TACR3: variants seen among roughly 807,000 people sequenced by gnomAD.
TACR3 encodes the protein tachykinin receptor 3, also known as neuromedin-K receptor.
TACR3 carries 34 observed loss-of-function variants against 35.0 expected under a neutral mutation model. The ratio of observed to expected loss-of-function variants is 0.97; its 90% CI spans 0.74 to 1.30. The LOEUF (loss-of-function observed/expected upper bound fraction) is 1.30, where lower values mean the gene tolerates loss of function less well. TACR3 is among the 50% of genes most tolerant of loss of function. The pLI is 0.00. For missense variants in TACR3, 558 were observed against 591.7 expected, an observed-to-expected ratio of 0.94 and a Z score of 0.59; for synonymous variants, 233 against 221.1, an observed-to-expected ratio of 1.05 and a Z score of -0.48.
rs554619738 is a variant in TACR3 at position 103,608,689 on chromosome 4, G to C, written c.889-17006C>G. Among the ~76,000 whole-genome samples, 52 of 152,222 alleles carry C rather than the reference G, an allele frequency of 3.4e-4. No individual in the cohort carries two copies. In the South Asian group the frequency reaches 8.3e-3, roughly 24 times the overall value. ...TGAATGCTATTGGAATAAGCCTATAGGTCGCCAAGTACAACCGAAGGCTTA... is the reference window on the plus strand; with the variant it reads ...TGAATGCTATTGGAATAAGCCTATACGTCGCCAAGTACAACCGAAGGCTTA... On this transcript the variant is annotated intron_variant, in intron 3 of 4. Transcript: ENST00000304883.
chr4:103,708,150 G>A (rs566433833), intron 1 of TACR3, among the ~76,000 whole-genome samples: 1 of 152,320 alleles, frequency 6.6e-6, no homozygotes, highest in African/African-American at 2.4e-5. Context: ...TTTGAAGAGA[G>A]TAGTGGTTCT....
At chr4:103,603,441 C>G (rs144114801) in intron 3 of TACR3, among the ~76,000 whole-genome samples, 4 of 152,210 alleles carry the variant, frequency 2.6e-5, no homozygotes, top group Non-Finnish European at 4.4e-5. Flanking sequence ...GAGATGAACC[C>G]GGTACCTCAG....
chr4:103,689,186 TG>T (rs1722338487), intron 1 of TACR3, among the ~76,000 whole-genome samples: 2 of 132,718 alleles, frequency 1.5e-5, no homozygotes, highest in South Asian at 4.7e-4. Flanking sequence ...CACTCATAGG[TG>T]GGAATTGAAC....
At chr4:103,626,418 T>C (rs1724892428) in intron 3 of TACR3, among the ~76,000 whole-genome samples, 1 of 148,000 alleles carries the variant, frequency 6.8e-6, no homozygotes. Flanking sequence ...ATTATTATTG[T>C]TATTTTTTTT....
intron 3 of TACR3, among the ~76,000 whole-genome samples, chr4:103,613,246 T>C (rs1476385013): frequency 3.9e-5 from 6 of 152,230 alleles, no homozygotes; most frequent in Non-Finnish European, 4.4e-5. Flanking sequence ...ATAAGAATTC[T>C]AGTCCCAACC....
rs879603676 is a variant in TACR3 at position 103,719,736 on chromosome 4, C to G, written c.-61G>C. On this transcript the variant is annotated 5_prime_UTR_variant, in exon 1 of 5. Transcript: ENST00000304883. ...CCCACGGGCAGCCCAAGACGAGACT[C>G]CTCTGAAGTTCTTCTCTGCCTCCTG... The G allele has an allele frequency of 2.3e-5, 37 of 1,591,404 alleles. No individual in the cohort carries two copies. Among genetic ancestry groups the G allele is most frequent in the Non-Finnish European group, 1.7e-6 (2 of 1,173,968 alleles).
chr4:103,601,457 T>G (rs1055713109), intron 3 of TACR3, among the ~76,000 whole-genome samples: 1 of 152,140 alleles, frequency 6.6e-6, no homozygotes, highest in Admixed American at 6.6e-5. Context: ...TTGCTCGATA[T>G]TTGATGCAGT....
Position 103,589,873 on chromosome 4 carries a change from C to T in TACR3, c.1207G>A (p.Val403Met), listed in dbSNP as rs553885967. 34 of 1,613,812 alleles carry T rather than the reference C, an allele frequency of 2.1e-5. No individual in the cohort carries two copies. The Middle Eastern group carries it at 6.6e-4, about 31-fold the overall frequency. Residue 403 changes from valine to methionine, a missense_variant, in exon 5 of 5, where the codon GTG (valine) becomes ATG (methionine). Transcript: ENST00000304883. ...HPNRQSSMYT[V>M]TRMESMTVVF... Reference sequence around the variant, plus strand: ...ACTGTCATGGACTCCATTCTGGTCACGGTGTACATACTGCTTTGCCGGTTT... The same window carrying T: ...ACTGTCATGGACTCCATTCTGGTCATGGTGTACATACTGCTTTGCCGGTTT...
chr4:103,643,427 A>G (rs1725398036), intron 3 of TACR3, among the ~76,000 whole-genome samples: 4 of 125,308 alleles, frequency 3.2e-5, no homozygotes, highest in Non-Finnish European at 6.5e-5. Context: ...TTGTCTAAAA[A>G]AAAGAGAGAG....
chr4:103,710,651 C>T (rs1040546674), intron 1 of TACR3, among the ~76,000 whole-genome samples: 1 of 152,028 alleles, frequency 6.6e-6, no homozygotes, highest in African/African-American at 2.4e-5. Context: ...CAGAGCAGAA[C>T]TGAAGGAGAT....
chr4:103,712,188 G>A (rs752804871), intron 1 of TACR3, among the ~76,000 whole-genome samples: 1 of 152,150 alleles, frequency 6.6e-6, no homozygotes, highest in South Asian at 2.1e-4. Flanking sequence ...GCGTTGCCAA[G>A]TCAATCCTTA....
At chr4:103,656,078 T>G in intron 3 of TACR3, 116 bp downstream of exon 3, 1 of 1,320,316 alleles carries the variant, frequency 7.6e-7, no homozygotes, top group Non-Finnish European at 1.1e-6. Context: ...ACAAAGACAT[T>G]AAAAACAGGA....
chr4:103,602,605 CA>C (rs1269013296), intron 3 of TACR3, among the ~76,000 whole-genome samples: 1 of 152,042 alleles, frequency 6.6e-6, no homozygotes, highest in Non-Finnish European at 1.5e-5. Flanking sequence ...TTCCTTCTAA[CA>C]GACAGGACCC....
At chr4:103,663,981 A>G (rs1578248523) in intron 1 of TACR3, among the ~76,000 whole-genome samples, 1 of 152,298 alleles carries the variant, frequency 6.6e-6, no homozygotes. Context: ...TCTCATCACC[A>G]TTCTTCCTTC....
intron 3 of TACR3, among the ~76,000 whole-genome samples, chr4:103,598,535 A>G (rs1388987625): frequency 2.0e-5 from 3 of 152,236 alleles, no homozygotes; most frequent in South Asian, 2.1e-4. Context: ...GCCCATGCCT[A>G]TGTACTGAAT....
chr4:103,621,256 A>C (rs750854642), intron 3 of TACR3, among the ~76,000 whole-genome samples: 16 of 152,040 alleles, frequency 1.1e-4, no homozygotes, highest in Non-Finnish European at 1.8e-4. Context: ...GGTAACCAAA[A>C]CTCATGCCTC....
intron 1 of TACR3, among the ~76,000 whole-genome samples, chr4:103,713,422 T>C (rs1438428243): frequency 7.8e-6 from 1 of 127,878 alleles, no homozygotes; most frequent in Non-Finnish European, 1.5e-5. Context: ...AATTGAACAA[T>C]GAGAACACAT....
intron 3 of TACR3, among the ~76,000 whole-genome samples, chr4:103,615,556 A>G (rs779057436): frequency 6.6e-6 from 1 of 152,186 alleles, no homozygotes; most frequent in Non-Finnish European, 1.5e-5. Context: ...GCATATTTCC[A>G]CAAAATAACA....
At chr4:103,604,061 A>T (rs1724283290) in intron 3 of TACR3, among the ~76,000 whole-genome samples, 1 of 152,250 alleles carries the variant, frequency 6.6e-6, no homozygotes, top group Non-Finnish European at 1.5e-5. Flanking sequence ...TATGGGACCA[A>T]AAAGGAGCCC....
Sources: allele counts gnomAD v4.1 joint callset (sites outside exome capture counted in the v4.1 genomes callset), GRCh38; gene constraint gnomAD v4.1.1; transcripts MANE v1.5; gene names NCBI Gene and HGNC (gene_info 2026-07-23, HGNC 2026-07-21).